CDC42BPA: variants seen among roughly 807,000 people sequenced by gnomAD.
CDC42BPA encodes the protein CDC42 binding protein kinase alpha, also known as serine/threonine-protein kinase MRCK alpha.
Under a neutral mutation model 223.5 loss-of-function variants are expected in CDC42BPA, and 80 were observed. The observed-to-expected ratio is 0.36, with a 90% CI of 0.30 to 0.43. The LOEUF (loss-of-function observed/expected upper bound fraction) is 0.43, where lower values mean the gene tolerates loss of function less well. Ranked by LOEUF, CDC42BPA falls within the 20% of genes least tolerant of loss-of-function variation. The pLI is 1.00. For missense variants in CDC42BPA, 1,743 were observed against 2,099.9 expected (o/e 0.83, Z 3.32); for synonymous variants, 694 against 718.6 (o/e 0.97, Z 0.55).
At chr1:227,187,053 T>G (rs2150091489) in intron 5 of CDC42BPA, among the ~76,000 whole-genome samples, 1 of 152,346 alleles carries the variant, frequency 6.6e-6, no homozygotes, top group African/African-American at 2.4e-5. Flanking sequence ...ATCTATGCTC[T>G]CTGGTGGCCA....
At chr1:227,029,619 T>C (rs74140237) in intron 29 of CDC42BPA, among the ~76,000 whole-genome samples, 4,795 of 152,116 alleles carry the variant, frequency 0.032, 223 homozygotes, top group African/African-American at 0.11. Flanking sequence ...TAACAATGCA[T>C]TGTTTTCCCA....
chr1:227,305,513 G>T (rs1179494698), intron 1 of CDC42BPA, among the ~76,000 whole-genome samples: 1 of 152,140 alleles, frequency 6.6e-6, no homozygotes. Flanking sequence ...CTTAAGGTTG[G>T]TCTTTCAAAG....
chr1:226,996,767 A>C (rs1292024619), intron 35 of CDC42BPA, among the ~76,000 whole-genome samples: 1 of 152,172 alleles, frequency 6.6e-6, no homozygotes, highest in East Asian at 1.9e-4. Context: ...ACGTTTATTG[A>C]CTTGCGTATG....
chr1:227,229,730 TTAGA>T (rs775054146), intron 2 of CDC42BPA, among the ~76,000 whole-genome samples: 26 of 152,322 alleles, frequency 1.7e-4, no homozygotes, highest in Non-Finnish European at 3.1e-4. Flanking sequence ...GCATAAAGTC[TTAGA>T]TTGATGGCTT....
At chr1:227,190,075 G>A (rs1669463140) in intron 5 of CDC42BPA, among the ~76,000 whole-genome samples, 1 of 152,112 alleles carries the variant, frequency 6.6e-6, no homozygotes, top group Non-Finnish European at 1.5e-5. Flanking sequence ...AACTCAACAT[G>A]AACTCTTTTC....
intron 21 of CDC42BPA, among the ~76,000 whole-genome samples, chr1:227,058,783 TC>T (rs2148931110): frequency 6.6e-6 from 1 of 152,150 alleles, no homozygotes; most frequent in South Asian, 2.1e-4. Context: ...ATTTTTTAAA[TC>T]TTGGAATTAT....
chr1:227,260,251 A>C (rs1006217296), intron 1 of CDC42BPA, among the ~76,000 whole-genome samples: 1 of 151,118 alleles, frequency 6.6e-6, no homozygotes, highest in Admixed American at 6.6e-5. Context: ...AATAAAAAAG[A>C]TCTCTGAAAC....
At chr1:227,074,070 T>C (rs777790758) in intron 18 of CDC42BPA, 58 bp from the exon 19 acceptor site, 13 of 1,545,206 alleles carry the variant, frequency 8.4e-6, no homozygotes, top group Admixed American at 5.7e-5. Flanking sequence ...TAAATTATTA[T>C]AGTTAACCAG....
At chr1:227,278,983 T>G (rs1225631500) in intron 1 of CDC42BPA, among the ~76,000 whole-genome samples, 3 of 151,810 alleles carry the variant, frequency 2.0e-5, no homozygotes, top group Non-Finnish European at 2.9e-5. Context: ...CATTCAGACT[T>G]AACTGGGCAA....
intron 34 of CDC42BPA, among the ~76,000 whole-genome samples, chr1:227,014,194 T>C (rs1665768870): frequency 6.6e-6 from 1 of 152,060 alleles, no homozygotes; most frequent in African/African-American, 2.4e-5. Flanking sequence ...AAAAATAGTA[T>C]AGCTTTTAAA....
chr1:227,263,186 C>T (rs1684390073), intron 1 of CDC42BPA, among the ~76,000 whole-genome samples: 2 of 152,210 alleles, frequency 1.3e-5, no homozygotes, highest in Admixed American at 6.5e-5. Flanking sequence ...AAGCCAAGAT[C>T]GTGCCACTGC....
At position 226,993,345 on chromosome 1, in the gene CDC42BPA, C is replaced by T. The variant is rs1660977685; in HGVS notation, c.*923G>A. The T allele has an allele frequency of 6.6e-6, 1 of 152,174 alleles. No individual in the cohort carries two copies. Among genetic ancestry groups the T allele is most frequent in the Admixed American group, 6.5e-5 (1 of 15,270 alleles). The allele number at this position is 152,174 out of a possible 1,614,324, so 9.4% of individuals were successfully genotyped here. A position where few individuals can be genotyped will look rare whatever the true frequency, so the allele number is the denominator to read the frequency against. ...TAAAAAGTGAGAAGTGTTCAAATTC[C>T]ACCACTAGGAAAAGAAACATCTTGG... On this transcript the variant is annotated 3_prime_UTR_variant, in exon 37 of 37. Coordinates refer to ENST00000366766, the MANE Select transcript of CDC42BPA (RefSeq NM_001394014.1).
At chr1:227,001,617 G>C (rs1224137740) in intron 35 of CDC42BPA, among the ~76,000 whole-genome samples, 1 of 152,134 alleles carries the variant, frequency 6.6e-6, no homozygotes, top group Non-Finnish European at 1.5e-5. Flanking sequence ...AAAACCTAAT[G>C]TGAACTGGGC....
chr1:227,149,579 CAACA>C (rs968264392), intron 6 of CDC42BPA, among the ~76,000 whole-genome samples: 56 of 151,976 alleles, frequency 3.7e-4, no homozygotes, highest in Non-Finnish European at 1.8e-4. Context: ...CTAAAAAAAT[CAACA>C]AACACAAAAG....
In CDC42BPA at chr1:227,142,944, C is replaced by T; in HGVS notation, c.1223+1G>A. On this transcript the variant is annotated splice_donor_variant, in intron 9 of 36. Transcript: ENST00000366766. LOFTEE classifies it high-confidence loss of function. Reference sequence around the variant, plus strand: ...AAACTATGTTAACTTTTCAAACTTACCAGCTACTAGTATATGTAAAACCAA... The same window carrying T: ...AAACTATGTTAACTTTTCAAACTTATCAGCTACTAGTATATGTAAAACCAA... 1 of 1,552,714 alleles carries T rather than the reference C, an allele frequency of 6.4e-7. No homozygotes were observed. The highest frequency in any genetic ancestry group is 8.7e-7 in the Non-Finnish European group (1 of 1,155,186).
intron 7 of CDC42BPA, among the ~76,000 whole-genome samples, chr1:227,147,107 T>TA (rs1392286702): frequency 3.9e-5 from 6 of 152,166 alleles, no homozygotes; most frequent in African/African-American, 1.4e-4. Flanking sequence ...ATTCTCTACT[T>TA]ACGACCTTTG....
intron 34 of CDC42BPA, among the ~76,000 whole-genome samples, chr1:227,015,226 C>T (rs1211375570): frequency 2.6e-5 from 4 of 151,982 alleles, no homozygotes; most frequent in Non-Finnish European, 4.4e-5. Context: ...GGGTTCGAGA[C>T]CAGCCTGACC....
chr1:227,059,498 G>A (rs886500220), intron 21 of CDC42BPA: 3 of 1,207,648 alleles, frequency 2.5e-6, no homozygotes, highest in Non-Finnish European at 3.6e-6. Flanking sequence ...AACAGACAAA[G>A]TATATAAACA....
At chr1:227,219,569 T>A (rs1357997329) in intron 2 of CDC42BPA, 3 of 152,194 alleles carry the variant, frequency 2.0e-5, no homozygotes, top group Admixed American at 6.5e-5. Flanking sequence ...CTTATAAGAG[T>A]TACATAAATG....
Sources: allele counts gnomAD v4.1 joint callset (sites outside exome capture counted in the v4.1 genomes callset), GRCh38; gene constraint gnomAD v4.1.1; transcripts MANE v1.5; gene names NCBI Gene and HGNC (gene_info 2026-07-23, HGNC 2026-07-21).